Variants in NUP37 observed in about 807,000 individuals in gnomAD.
The protein encoded by NUP37 is nucleoporin Nup37.
In NUP37, 33 loss-of-function variants were observed where a neutral mutation model predicts 45.4. The observed-to-expected ratio is 0.73, with a 90% CI of 0.55 to 0.97. NUP37 has a LOEUF of 0.97. Among genes scored for constraint, NUP37 ranks in the 50% least tolerant of loss-of-function variants. The probability of loss-of-function intolerance (pLI) is 0.00; values close to 1 mark genes in which losing one functional copy is unlikely to be tolerated. For missense variants in NUP37, 365 were observed against 389.7 expected, an observed-to-expected ratio of 0.94 and a Z score of 0.53; for synonymous variants, 127 against 130.7, an observed-to-expected ratio of 0.97 and a Z score of 0.19.
chr12:102,101,531 C>T (rs1022705484), intron 3 of NUP37, among the ~76,000 whole-genome samples: 1 of 152,026 alleles, frequency 6.6e-6, no homozygotes, highest in Non-Finnish European at 1.5e-5. Flanking sequence ...CTTCTGTTAT[C>T]CATAATCCTT....
At chr12:102,103,875 A>G (rs185290326) in intron 3 of NUP37, among the ~76,000 whole-genome samples, 51 of 152,336 alleles carry the variant, frequency 3.3e-4, no homozygotes, top group African/African-American at 1.1e-3. Context: ...ATCACAATAT[A>G]GGCCATCTAT....
At chr12:102,107,232 G>A (rs745693371) in intron 3 of NUP37, among the ~76,000 whole-genome samples, 2 of 152,080 alleles carry the variant, frequency 1.3e-5, no homozygotes, top group African/African-American at 2.4e-5. Flanking sequence ...ATGGCAACAC[G>A]TTAAGAAAAA....
At chr12:102,087,419 A>T (rs984333281) in intron 5 of NUP37, among the ~76,000 whole-genome samples, 5 of 152,252 alleles carry the variant, frequency 3.3e-5, no homozygotes, top group Admixed American at 6.5e-5. Flanking sequence ...CAAAATGATT[A>T]TCTTAATGAT....
At position 102,118,430 on chromosome 12, in the gene NUP37, CCATTCT is replaced by C; in HGVS notation, c.83_88del (p.Glu28_Asn29del). 1 of 1,613,992 alleles carries C rather than the reference CCATTCT, an allele frequency of 6.2e-7. No individual in the cohort carries two copies. Among genetic ancestry groups the C allele is most frequent in the Non-Finnish European group, 8.5e-7 (1 of 1,179,988 alleles). ...ATATGCAATTAGGTTTCCTGAATCC[CCATTCT>C]CAAAGGGATTAAATTCTACCACATG... On this transcript the variant is annotated inframe_deletion, in exon 2 of 10. Transcript: ENST00000552283.
At chr12:102,076,891 C>G (rs1165693800) in intron 7 of NUP37, 44 bp from the exon 8 acceptor site, 2 of 1,405,304 alleles carry the variant, frequency 1.4e-6, no homozygotes, top group South Asian at 2.4e-5. Context: ...GTGTTAAACT[C>G]AAGTGGGTGA....
intron 3 of NUP37, among the ~76,000 whole-genome samples, chr12:102,111,779 C>T (rs1197969318): frequency 7.2e-6 from 1 of 138,800 alleles, no homozygotes; most frequent in Non-Finnish European, 1.6e-5. Flanking sequence ...ATGTCTCAAC[C>T]AAATTTAGTT....
At chr12:102,106,730 CA>C (rs916642904) in intron 3 of NUP37, among the ~76,000 whole-genome samples, 1 of 152,106 alleles carries the variant, frequency 6.6e-6, no homozygotes, top group African/African-American at 2.4e-5. Context: ...CAAGGAAAGC[CA>C]AAACCCAACC....
chr12:102,078,409 AAT>A (rs1194463403), intron 6 of NUP37, among the ~76,000 whole-genome samples: 1 of 152,224 alleles, frequency 6.6e-6, no homozygotes, highest in Non-Finnish European at 1.5e-5. Flanking sequence ...TCAATTTAAC[AAT>A]TCCTTCTGGG....
chr12:102,097,178 A>G (rs1335137137), intron 5 of NUP37, among the ~76,000 whole-genome samples: 1 of 152,058 alleles, frequency 6.6e-6, no homozygotes, highest in Non-Finnish European at 1.5e-5. Flanking sequence ...GCTGTGTCAC[A>G]CCTGTTAATG....
intron 5 of NUP37, among the ~76,000 whole-genome samples, chr12:102,091,728 AC>A: frequency 6.6e-6 from 1 of 152,310 alleles, no homozygotes; most frequent in Non-Finnish European, 1.5e-5. Flanking sequence ...AAATAAAATG[AC>A]AGTTTTCATC....
rs141927127 is a variant in NUP37, at chr12:102,078,680, T to C, written c.541-1177A>G. Among the ~76,000 whole-genome samples, 22 of 152,272 alleles carry C rather than the reference T, an allele frequency of 1.4e-4. No homozygotes were observed. In the East Asian group the frequency reaches 2.5e-3, roughly 17 times the overall value. ...GAGGATAAGAATGGCTGCAGGATTG[T>C]TGTGATGATTAAATAGTAATGTGGG... is the stretch of plus-strand genomic sequence containing the variant. On this transcript the variant is annotated intron_variant, in intron 6 of 9. Coordinates refer to ENST00000552283, the MANE Select transcript of NUP37 (RefSeq NM_024057.4).
chr12:102,074,499 A>T, intron 9 of NUP37, 32 bp from the exon 10 acceptor site: 1 of 1,236,134 alleles, frequency 8.1e-7, no homozygotes, highest in Non-Finnish European at 1.2e-6. Context: ...AAAGAAGCAC[A>T]GTAAGTCCCC....
intron 5 of NUP37, among the ~76,000 whole-genome samples, chr12:102,087,607 G>C (rs143944545): frequency 1.4e-3 from 209 of 152,264 alleles, no homozygotes; most frequent in African/African-American, 4.8e-3. Flanking sequence ...AACTGATCAA[G>C]TATTTCTTCT....
chr12:102,114,087 T>C (rs1565837683), intron 2 of NUP37, among the ~76,000 whole-genome samples: 1 of 152,240 alleles, frequency 6.6e-6, no homozygotes, highest in South Asian at 2.1e-4. Flanking sequence ...GTGTGTATAA[T>C]AGTTGTATAG....
At chr12:102,077,665 T>G (rs1879212665) in intron 6 of NUP37, among the ~76,000 whole-genome samples, 162 bp from the exon 7 acceptor site, 1 of 152,210 alleles carries the variant, frequency 6.6e-6, no homozygotes, top group African/African-American at 2.4e-5. Flanking sequence ...AAACTAAAAC[T>G]TTTTGAGTGC....
chr12:102,114,970 T>A (rs953060411), intron 2 of NUP37, among the ~76,000 whole-genome samples: 2 of 152,192 alleles, frequency 1.3e-5, no homozygotes, highest in African/African-American at 4.8e-5. Context: ...ATGACAAATA[T>A]CTGGCCATAG....
chr12:102,085,838 T>G lies in NUP37; in HGVS notation c.468A>C (p.Gly156=). ...GAAGAACAAAATGAGCTGTTTGCACTCCTTCCAAGTTCCAAATCCTAATAA... is the reference window on the plus strand; with the variant it reads ...GAAGAACAAAATGAGCTGTTTGCACGCCTTCCAAGTTCCAAATCCTAATAA... ...DHTCRIWNLE[G]VQTAHFVLHS... is the part of the protein sequence containing the mutation. The change falls in exon 6 of 10, where the codon GGA becomes GGC. Residue 156 remains glycine (G), a synonymous_variant. Transcript: ENST00000552283. 6.3e-7 allele frequency: 1 copy of G among 1,584,946 alleles called. No individual in the cohort carries two copies. The highest frequency in any genetic ancestry group is 8.7e-7 in the Non-Finnish European group (1 of 1,155,628).
chr12:102,118,611 C>CA, intron 1 of NUP37, 28 bp from the exon 2 acceptor site: 1 of 1,098,858 alleles, frequency 9.1e-7, no homozygotes, highest in Admixed American at 2.4e-5. Flanking sequence ...GGTACAATTA[C>CA]AATGGTCAAT....
intron 3 of NUP37, among the ~76,000 whole-genome samples, chr12:102,101,967 C>T (rs144996335): frequency 0.013 from 2,006 of 152,224 alleles, 66 homozygotes; most frequent in Admixed American, 0.086. Context: ...TCAGATGATC[C>T]GCCCATCTTG....
Sources: gnomAD v4.1 joint callset for allele counts (sites outside exome capture counted in the v4.1 genomes callset) on GRCh38, gnomAD v4.1.1 for gene constraint, MANE v1.5 for transcripts, NCBI Gene and HGNC (gene_info 2026-07-23, HGNC 2026-07-21) for gene names.